The following TBCK variants were observed in gnomAD, a reference collection of about 807,000 sequenced individuals.
The protein encoded by TBCK is TBC domain-containing protein kinase-like protein.
In TBCK, 99 loss-of-function variants were observed where a neutral mutation model predicts 113.4. That is an observed-to-expected ratio of 0.87 (90% confidence interval 0.74 to 1.03). The LOEUF is 1.03. Ranked by LOEUF, TBCK falls within the 50% of genes least tolerant of loss-of-function variation. The pLI is 0.00. For missense variants in TBCK, 1,045 were observed against 1,061.3 expected, an observed-to-expected ratio of 0.98 and a Z score of 0.21; for synonymous variants, 369 against 370.8, an observed-to-expected ratio of 1.00 and a Z score of 0.05.
chr4:106,136,515 T>C (rs1327355881), intron 23 of TBCK, among the ~76,000 whole-genome samples: 2 of 141,306 alleles, frequency 1.4e-5, no homozygotes, highest in African/African-American at 2.5e-5. Flanking sequence ...AAGTATAGTA[T>C]TCTGTGTGAA....
At chr4:106,112,865 A>G (rs1230090741) in intron 24 of TBCK, among the ~76,000 whole-genome samples, 1 of 152,168 alleles carries the variant, frequency 6.6e-6, no homozygotes, top group Non-Finnish European at 1.5e-5. Flanking sequence ...TTATCTGAAC[A>G]ATTTCAACTT....
At chr4:106,250,554 G>T in intron 6 of TBCK, 76 bp from the exon 7 acceptor site, 1 of 738,538 alleles carries the variant, frequency 1.4e-6, no homozygotes, top group Non-Finnish European at 2.2e-6. Context: ...TCCCCTTATA[G>T]CTGAAACTGA....
chr4:106,118,163 C>A (rs1347277840), intron 23 of TBCK, among the ~76,000 whole-genome samples: 1 of 152,026 alleles, frequency 6.6e-6, no homozygotes, highest in Non-Finnish European at 1.5e-5. Context: ...TTCTCAGTTA[C>A]ATTGTGGAAT....
intron 22 of TBCK, among the ~76,000 whole-genome samples, chr4:106,171,589 G>A (rs1273869144): frequency 6.6e-6 from 1 of 151,848 alleles, no homozygotes; most frequent in Non-Finnish European, 1.5e-5. Context: ...CCACAGAATA[G>A]AACACATCTC....
At chr4:106,185,012 T>C (rs1325358412) in intron 22 of TBCK, among the ~76,000 whole-genome samples, 1 of 152,026 alleles carries the variant, frequency 6.6e-6, no homozygotes, top group Non-Finnish European at 1.5e-5. Flanking sequence ...ACTAGGTCAG[T>C]TGCAGCCATC....
intron 3 of TBCK, among the ~76,000 whole-genome samples, chr4:106,281,040 T>C (rs1398079683): frequency 6.6e-6 from 1 of 152,154 alleles, no homozygotes; most frequent in Admixed American, 6.6e-5. Context: ...ACAATATTGA[T>C]TAGTCCCATC....
chr4:106,195,492 T>TGTGTGTGTGTGTGTGTG (rs371211369), intron 20 of TBCK, among the ~76,000 whole-genome samples: 1,591 of 149,048 alleles, frequency 0.011, 17 homozygotes, highest in African/African-American at 0.022. Context: ...ATGTGTGTGT[T>TGTGTGTGTGTGTGTGTG]TGTGTGTGTG....
rs537510441 is a variant in TBCK at position 106,075,351 on chromosome 4, T to C, written c.2571+20131A>G. On this transcript the variant is annotated intron_variant, in intron 25 of 25. Coordinates refer to ENST00000394708, the MANE Select transcript of TBCK (RefSeq NM_001163435.3). ...GCTGAGCATATAATTTGTTCAGTAATTGTCTATAAGTATGCCTGAGTATGG... is the reference window on the plus strand; with the variant it reads ...GCTGAGCATATAATTTGTTCAGTAACTGTCTATAAGTATGCCTGAGTATGG... 5.9e-5 allele frequency among the ~76,000 whole-genome samples: 9 copies of C among 152,362 alleles called. No homozygotes were observed. In the South Asian group the frequency reaches 1.9e-3, roughly 32 times the overall value.
At position 106,301,393 on chromosome 4, in the gene TBCK, T is replaced by A. The variant is rs565751031; in HGVS notation, c.194-6227A>T. Among the ~76,000 whole-genome samples the A allele has an allele frequency of 1.4e-4, 22 of 152,226 alleles. No individual in the cohort carries two copies. The East Asian group carries it at 4.0e-3, about 28-fold the overall frequency. On this transcript the variant is annotated intron_variant, in intron 2 of 25. Transcript: ENST00000394708. Reference sequence around the variant, plus strand: ...AAAAAGGATGCACTACCATTTACCATCTTCACTCTGCTTCTAAACACAGCT... The same window carrying A: ...AAAAAGGATGCACTACCATTTACCAACTTCACTCTGCTTCTAAACACAGCT...
intron 22 of TBCK, among the ~76,000 whole-genome samples, chr4:106,179,639 T>C (rs72878681): frequency 1.1e-3 from 166 of 152,246 alleles, no homozygotes; most frequent in African/African-American, 3.9e-3. Flanking sequence ...TTTTGAAAAT[T>C]TAAGACTTGT....
At chr4:106,194,839 A>G (rs951298672) in intron 20 of TBCK, 85 bp from the exon 21 acceptor site, 2 of 1,201,174 alleles carry the variant, frequency 1.7e-6, no homozygotes, top group African/African-American at 3.2e-5. Context: ...ACTAAATGGT[A>G]AATGTAAGTT....
intron 5 of TBCK, among the ~76,000 whole-genome samples, chr4:106,259,831 G>A (rs1299566179): frequency 2.0e-5 from 3 of 151,830 alleles, no homozygotes; most frequent in Non-Finnish European, 4.4e-5. Context: ...ACAGAAATCC[G>A]TATCAAAAAC....
At chr4:106,081,389 AG>A (rs1738857916) in intron 25 of TBCK, among the ~76,000 whole-genome samples, 1 of 152,198 alleles carries the variant, frequency 6.6e-6, no homozygotes, top group African/African-American at 2.4e-5. Context: ...AGGAGTTGGA[AG>A]CTGTTATCCT....
intron 19 of TBCK, among the ~76,000 whole-genome samples, chr4:106,214,910 T>C (rs1756675304): frequency 6.6e-6 from 1 of 151,828 alleles, no homozygotes; most frequent in South Asian, 2.1e-4. Flanking sequence ...AGACACATAA[T>C]AGTCAGATTC....
At chr4:106,082,088 C>T (rs192895070) in intron 25 of TBCK, among the ~76,000 whole-genome samples, 1 of 152,120 alleles carries the variant, frequency 6.6e-6, no homozygotes, top group East Asian at 1.9e-4. Flanking sequence ...CCTAGCAATC[C>T]TACTATATGA....
intron 2 of TBCK, among the ~76,000 whole-genome samples, chr4:106,297,227 G>A (rs568274357): frequency 6.0e-4 from 92 of 152,114 alleles, no homozygotes; most frequent in African/African-American, 1.9e-3. Context: ...TGAACTGCAG[G>A]CTTCTATAGC....
At chr4:106,280,940 G>T (rs1208050370) in intron 3 of TBCK, among the ~76,000 whole-genome samples, 5 of 152,018 alleles carry the variant, frequency 3.3e-5, no homozygotes, top group Non-Finnish European at 7.4e-5. Flanking sequence ...TTTTAGGATT[G>T]TTTTTTCTAT....
In TBCK at chr4:106,065,640, T is replaced by G. The variant is rs116551537; in HGVS notation, c.2572-18960A>C. On this transcript the variant is annotated intron_variant, in intron 25 of 25. Coordinates refer to ENST00000394708, the MANE Select transcript of TBCK (RefSeq NM_001163435.3). ...AACAGTACCATACATTTCAGAGATCTAGGACTCCACTTCACTCATTAGAGA... is the reference window on the plus strand; with the variant it reads ...AACAGTACCATACATTTCAGAGATCGAGGACTCCACTTCACTCATTAGAGA... 4.6e-3 allele frequency among the ~76,000 whole-genome samples: 694 copies of G among 152,162 alleles called. 3 individuals are homozygous for G. The highest frequency in any genetic ancestry group is 0.02 in the South Asian group (97 of 4,828).
chr4:106,235,467 T>G (rs1486227986), intron 14 of TBCK, 100 bp from the exon 15 acceptor site: 2 of 632,940 alleles, frequency 3.2e-6, no homozygotes, highest in Non-Finnish European at 5.0e-6. Context: ...TTAAGTGACT[T>G]GCAATAAATT....
Sources: allele counts gnomAD v4.1 joint callset (sites outside exome capture counted in the v4.1 genomes callset), GRCh38; gene constraint gnomAD v4.1.1; transcripts MANE v1.5; gene names NCBI Gene and HGNC (gene_info 2026-07-23, HGNC 2026-07-21).